Variants in EFCC1 observed in about 807,000 individuals in gnomAD.
EFCC1 encodes the protein EF-hand and coiled-coil domain-containing protein 1.
In EFCC1, 50 loss-of-function variants were observed where a neutral mutation model predicts 52.1. The ratio of observed to expected loss-of-function variants is 0.96; its 90% CI spans 0.76 to 1.21. The LOEUF is 1.21. EFCC1 is among the 50% of genes most tolerant of loss of function. The pLI, the probability that EFCC1 is intolerant of heterozygous loss-of-function variation, is 0.00. For synonymous variants in EFCC1, 399 were observed against 396.5 expected (o/e 1.01, Z -0.08); for missense variants, 837 against 867.3 (o/e 0.97, Z 0.44).
chr3:129,029,583 T>TG (rs1376364770), intron 2 of EFCC1, among the ~76,000 whole-genome samples: 7 of 105,112 alleles, frequency 6.7e-5, no homozygotes, highest in South Asian at 6.0e-4. Flanking sequence ...TTTTGTTTTT[T>TG]GGTTTTTTTT....
At chr3:129,006,535 C>T (rs1301151065) in intron 2 of EFCC1, among the ~76,000 whole-genome samples, 1 of 152,182 alleles carries the variant, frequency 6.6e-6, no homozygotes, top group Admixed American at 6.5e-5. Context: ...AGTCTGGTCT[C>T]AAACACCTGA....
At chr3:129,028,728 C>T (rs911630535) in intron 2 of EFCC1, among the ~76,000 whole-genome samples, 4 of 152,048 alleles carry the variant, frequency 2.6e-5, no homozygotes, top group Middle Eastern at 3.4e-3. Flanking sequence ...CTGCAACCTC[C>T]GCCTCCCAGG....
At position 129,001,620 on chromosome 3, in the gene EFCC1, G is replaced by A. The variant is rs898853214; in HGVS notation, c.-9G>A. The A allele has an allele frequency of 7.4e-7, 1 of 1,350,920 alleles. No individual in the cohort carries two copies. Among genetic ancestry groups the A allele is most frequent in the Non-Finnish European group, 9.5e-7 (1 of 1,056,550 alleles). 83.7% of individuals were successfully genotyped at this position (1,350,920 alleles called of 1,614,324 possible). On this transcript the variant is annotated 5_prime_UTR_variant, in exon 1 of 8. Transcript: ENST00000683648. The stretch of plus-strand genomic sequence containing the variant: ...GAGGGACCGGAGGAGCGAGGCGCGC[G>A]GCGCAGCGATGGAGCCGGTCAGCAC...
In EFCC1 at chr3:129,001,960, G is replaced by C; in HGVS notation, c.332G>C (p.Gly111Ala). Residue 111 changes from glycine to alanine, a missense_variant, in exon 1 of 8, where the codon GGG becomes GCG. By Grantham distance (60) the Gly-to-Ala change is moderately conservative. Transcript: ENST00000683648. ...GGGAACTCCAGAGATGTGACCCCCG[G>C]GGATGCGGCCGCTGAGTTGGCCACG... ...GDGNSRDVTP[G>A]DAAAELATDG... The C allele has an allele frequency of 6.5e-7, 1 of 1,544,658 alleles. No homozygotes were observed. Among genetic ancestry groups the C allele is most frequent in the Non-Finnish European group, 8.7e-7 (1 of 1,144,560 alleles).
At chr3:129,033,348 T>C (rs992078068) in intron 4 of EFCC1, among the ~76,000 whole-genome samples, 1 of 152,070 alleles carries the variant, frequency 6.6e-6, no homozygotes, top group Non-Finnish European at 1.5e-5. Flanking sequence ...CCCTGTTTCA[T>C]CCTCACCTCC....
intron 5 of EFCC1, among the ~76,000 whole-genome samples, chr3:129,034,533 TG>T (rs1946332875): frequency 6.6e-6 from 1 of 152,196 alleles, no homozygotes; most frequent in Admixed American, 6.5e-5. Flanking sequence ...TTAGCTTGAT[TG>T]CAAAACAGAT....
intron 2 of EFCC1, among the ~76,000 whole-genome samples, chr3:129,025,091 G>T (rs1946046321): frequency 6.6e-6 from 1 of 152,120 alleles, no homozygotes; most frequent in Non-Finnish European, 1.5e-5. Context: ...CCAAATAGAG[G>T]TGCCACAGTT....
At chr3:129,004,192 C>G in intron 2 of EFCC1, 115 bp downstream of exon 2, 1 of 1,220,664 alleles carries the variant, frequency 8.2e-7, no homozygotes, top group Non-Finnish European at 1.1e-6. Flanking sequence ...TTTCTCCATG[C>G]GTTTATTCAT....
rs991747522 is a variant in EFCC1 at position 129,031,944 on chromosome 3, T to C, written c.1139-875T>C. On this transcript the variant is annotated intron_variant, in intron 3 of 7. Coordinates refer to ENST00000683648, the MANE Select transcript of EFCC1 (RefSeq NM_001377500.1). Reference sequence around the variant, plus strand: ...AGGCTGCACTCAGCCTGGCCGGGCCTGACTCAAGTGCCCCTGGAGCTGGGT... The same window carrying C: ...AGGCTGCACTCAGCCTGGCCGGGCCCGACTCAAGTGCCCCTGGAGCTGGGT... Among the ~76,000 whole-genome samples, 3 of 152,248 alleles carry C rather than the reference T, an allele frequency of 2.0e-5. No individual in the cohort carries two copies. In the East Asian group the frequency reaches 5.8e-4, roughly 29 times the overall value.
rs559054712 is a variant in EFCC1, at chr3:129,002,130, G to T, written c.502G>T (p.Glu168Ter). 1.4e-5 allele frequency: 21 copies of T among 1,473,462 alleles called. 1 individual carries two copies. The South Asian group carries it at 2.6e-4, about 18-fold the overall frequency. 91.3% of individuals were successfully genotyped at this position (1,473,462 alleles called of 1,614,324 possible). ...GPRLPRGALS[E>*]HIETQIRLRR... ...CCGGCTGCCCCGCGGCGCTCTCAGC[G>T]AGCACATCGAGACGCAGATCCGCCT... is the stretch of plus-strand genomic sequence containing the variant. Residue 168 changes from glutamate (E) to a stop codon, truncating the protein, a stop_gained, in exon 1 of 8, where the codon GAG (glutamate) becomes TAG (stop). Transcript: ENST00000683648. LOFTEE classifies it high-confidence loss of function.
chr3:129,026,237 G>A (rs1946102233), intron 2 of EFCC1, among the ~76,000 whole-genome samples: 3 of 152,224 alleles, frequency 2.0e-5, no homozygotes, highest in Non-Finnish European at 2.9e-5. Context: ...CTAGGAGGTG[G>A]AGTGTGGGGA....
At chr3:129,025,003 G>A (rs1056025738) in intron 2 of EFCC1, among the ~76,000 whole-genome samples, 39 of 152,162 alleles carry the variant, frequency 2.6e-4, no homozygotes, top group African/African-American at 8.0e-4. Flanking sequence ...ACACTTCACT[G>A]AGGGAGGGAG....
chr3:129,009,006 C>T (rs1277626863), intron 2 of EFCC1, among the ~76,000 whole-genome samples: 5 of 131,986 alleles, frequency 3.8e-5, no homozygotes, highest in Admixed American at 2.6e-4. Context: ...TGATTATTGG[C>T]GGGGTGGGGG....
At chr3:129,002,404 C>T (rs919546275) in intron 1 of EFCC1, 80 bp downstream of exon 1, 13 of 1,455,064 alleles carry the variant, frequency 8.9e-6, no homozygotes, top group African/African-American at 1.5e-5. Flanking sequence ...CGGAGCCCGA[C>T]AGGACAGAGT....
chr3:129,027,727 G>C lies in EFCC1; in HGVS notation c.981-2976G>C, dbSNP rs548996625. On this transcript the variant is annotated intron_variant, in intron 2 of 7. Coordinates refer to ENST00000683648, the MANE Select transcript of EFCC1 (RefSeq NM_001377500.1). ...TCTCAGCACTTTCTGGGGCCGAGGC[G>C]GGCGGATCACCTCAGGTCAAGAGTT... Among the ~76,000 whole-genome samples the C allele has an allele frequency of 7.2e-5, 11 of 152,220 alleles. No individual in the cohort carries two copies. In the South Asian group the frequency reaches 2.1e-3, roughly 29 times the overall value.
intron 2 of EFCC1, 146 bp from the exon 3 acceptor site, chr3:129,030,557 G>A (rs1014618136): frequency 1.1e-6 from 1 of 886,536 alleles, no homozygotes; most frequent in Non-Finnish European, 1.5e-6. Context: ...GGGAATCTGA[G>A]TATCTAGCAC....
chr3:129,003,935 G>T lies in EFCC1; in HGVS notation c.838G>T (p.Glu280Ter), dbSNP rs750952003. ...TGGGCGGCTGCGCCGTGGCCAGGCC[G>T]AGGTGCGGCGGCGCGCGGAGGAGGC... ...RAGRLRRGQA[E>*]VRRRAEEARQ... Residue 280 changes from glutamate (E) to a stop codon, truncating the protein, a stop_gained, in exon 2 of 8, where the codon GAG (glutamate) becomes TAG (stop). Transcript: ENST00000683648. LOFTEE classifies it high-confidence loss of function. The T allele has an allele frequency of 6.5e-6, 9 of 1,391,430 alleles. No homozygotes were observed. The South Asian group carries it at 1.4e-4, about 21-fold the overall frequency. The allele number at this position is 1,391,430 out of a possible 1,614,324, so 86.2% of individuals were successfully genotyped here.
chr3:129,002,496 A>G, intron 1 of EFCC1, 172 bp downstream of exon 1: 1 of 1,277,758 alleles, frequency 7.8e-7, no homozygotes, highest in Non-Finnish European at 1.0e-6. Context: ...GTTCCTCCCC[A>G]TTCCACTCCA....
At chr3:129,015,340 T>C (rs1945526677) in intron 2 of EFCC1, among the ~76,000 whole-genome samples, 1 of 152,190 alleles carries the variant, frequency 6.6e-6, no homozygotes, top group Non-Finnish European at 1.5e-5. Flanking sequence ...CTACAGCCTC[T>C]TCCTAACGTC....
Sources: gnomAD v4.1 joint callset for allele counts (sites outside exome capture counted in the v4.1 genomes callset) on GRCh38, gnomAD v4.1.1 for gene constraint, MANE v1.5 for transcripts, NCBI Gene and HGNC (gene_info 2026-07-23, HGNC 2026-07-21) for gene names.